RXYLT1: variants seen among roughly 807,000 people sequenced by gnomAD.
RXYLT1 encodes the protein ribitol xylosyltransferase 1.
In RXYLT1, 41 loss-of-function variants were observed where a neutral mutation model predicts 43.5. The observed-to-expected ratio is 0.94, with a 90% CI of 0.73 to 1.22. The LOEUF is 1.22. RXYLT1 is among the 50% of genes most tolerant of loss of function. The pLI, the probability that RXYLT1 is intolerant of heterozygous loss-of-function variation, is 0.00. For missense variants in RXYLT1, 514 were observed against 532.0 expected, an observed-to-expected ratio of 0.97 and a Z score of 0.33; for synonymous variants, 166 against 194.4, an observed-to-expected ratio of 0.85 and a Z score of 1.21.
At chr12:63,780,875 T>C in intron 1 of RXYLT1, 144 bp from the exon 2 acceptor site, 1 of 652,318 alleles carries the variant, frequency 1.5e-6, no homozygotes, top group Non-Finnish European at 2.3e-6. Flanking sequence ...TTTCATTGTG[T>C]ATTACCAGTT....
At chr12:63,789,131 C>G (rs1417146685) in intron 3 of RXYLT1, among the ~76,000 whole-genome samples, 2 of 152,228 alleles carry the variant, frequency 1.3e-5, no homozygotes, top group Middle Eastern at 3.4e-3. Context: ...AAGTGAGAGA[C>G]TTGCGACTCT....
chr12:63,791,434 A>G (rs1315010743), intron 3 of RXYLT1, among the ~76,000 whole-genome samples: 1 of 152,216 alleles, frequency 6.6e-6, no homozygotes, highest in Non-Finnish European at 1.5e-5. Context: ...GCTACTTATG[A>G]AAGAGTTGAA....
At chr12:63,793,551 C>T (rs867837302) in intron 3 of RXYLT1, among the ~76,000 whole-genome samples, 2 of 152,074 alleles carry the variant, frequency 1.3e-5, no homozygotes, top group Non-Finnish European at 2.9e-5. Context: ...AACTTTTTCT[C>T]CCCTAAATTA....
Position 63,802,088 on chromosome 12 carries a change from C to T in RXYLT1, c.429-3C>T. 1 of 1,570,130 alleles carries T rather than the reference C, an allele frequency of 6.4e-7. No homozygotes were observed. Among genetic ancestry groups the T allele is most frequent in the Non-Finnish European group, 8.6e-7 (1 of 1,158,564 alleles). The stretch of plus-strand genomic sequence containing the variant: ...CTTGTTTTTGTTGTGTTGTTTTTAA[C>T]AGCTTCATCACTGGTCCAGCTGTAA... On this transcript the variant is annotated splice_region_variant and splice_polypyrimidine_tract_variant and intron_variant, in intron 3 of 5. Transcript: ENST00000261234.
rs1565907328 is a variant in RXYLT1, at chr12:63,805,383, GT to G, written c.895del (p.Trp299GlyfsTer36). 1 of 1,605,548 alleles carries G rather than the reference GT, an allele frequency of 6.2e-7. No individual in the cohort carries two copies. Among genetic ancestry groups the G allele is most frequent in the East Asian group, 2.2e-5 (1 of 44,666 alleles). On this transcript the variant is annotated frameshift_variant, in exon 5 of 6. Coordinates refer to ENST00000261234, the MANE Select transcript of RXYLT1 (RefSeq NM_014254.3). LOFTEE classifies it high-confidence loss of function. ...AAAAAAGATGGGAACGATAAGCTTT[GT>G]TGGGTTTCAGCAAGAGAACAGTAAG... Reference protein sequence around the residue: ...ILKKDGNDKLCWVSAREHWQP... With the variant: ...ILKKDGNDKLXWVSAREHWQP...
rs748755896 is a variant in RXYLT1, at chr12:63,808,758, G to C, written c.998G>C (p.Gly333Ala). The change falls in exon 6 of 6, where the codon GGA becomes GCA. Residue 333 changes from glycine to alanine, a missense_variant. Coordinates refer to ENST00000261234, the MANE Select transcript of RXYLT1 (RefSeq NM_014254.3). ...AGTGATCTCACATTGTGCCCGGTCGGAGTAAACACAGAATGCTATCGAATC... is the reference window on the plus strand; with the variant it reads ...AGTGATCTCACATTGTGCCCGGTCGCAGTAAACACAGAATGCTATCGAATC... Reference protein sequence around the residue: ...LQSDLTLCPVGVNTECYRIYE... With the variant: ...LQSDLTLCPVAVNTECYRIYE... 1.2e-6 allele frequency: 2 copies of C among 1,613,078 alleles called. No homozygotes were observed. The highest frequency in any genetic ancestry group is 3.4e-5 in the Admixed American group (2 of 59,584).
In RXYLT1 at chr12:63,808,695, A is replaced by G. The variant is rs1391603713; in HGVS notation, c.935A>G (p.Asn312Ser). 1.9e-6 allele frequency: 3 copies of G among 1,601,970 alleles called. No homozygotes were observed. The highest frequency in any genetic ancestry group is 2.7e-5 in the African/African-American group (2 of 74,142). The change falls in exon 6 of 6, where the codon AAT becomes AGT. Residue 312 changes from asparagine (N) to serine (S), a missense_variant. Coordinates refer to ENST00000261234, the MANE Select transcript of RXYLT1 (RefSeq NM_014254.3). Reference protein sequence around the residue: ...AREHWQPQETNESLKNYQDAL... With the variant: ...AREHWQPQETSESLKNYQDAL... ...TCTAGCTGGCAGCCTCAGGAAACAA[A>G]TGAAAGTCTTAAGAATTACCAAGAT...
chr12:63,790,930 C>A (rs1897907614), intron 3 of RXYLT1, among the ~76,000 whole-genome samples: 2 of 152,180 alleles, frequency 1.3e-5, no homozygotes, highest in Admixed American at 1.3e-4. Flanking sequence ...GTATCTAACA[C>A]ACAGTAATCA....
chr12:63,781,292 AT>A lies in RXYLT1; in HGVS notation c.325+124del, dbSNP rs529925217. 0.013 allele frequency: 15,007 copies of A among 1,124,954 alleles called. 143 individuals are homozygous for A. Among genetic ancestry groups the A allele is most frequent in the Non-Finnish European group, 0.016 (13,444 of 846,904 alleles). 69.7% of individuals were successfully genotyped at this position (1,124,954 alleles called of 1,614,324 possible). A position where few individuals can be genotyped will look rare whatever the true frequency, so the allele number is the denominator to read the frequency against. On this transcript the variant is annotated intron_variant, in intron 2 of 5. Transcript: ENST00000261234. ...TTTGTTAATTAAGGCATCATGATAT[AT>A]TTTTTCGCTTTTTGTCAATAATTCC...
chr12:63,809,146 A>G lies in RXYLT1; in HGVS notation c.*54A>G. ...TAAAATCATTTTGACTACTGGGTGTATAAATGTGTTTGTGTGTGTATGTAT... is the reference window on the plus strand; with the variant it reads ...TAAAATCATTTTGACTACTGGGTGTGTAAATGTGTTTGTGTGTGTATGTAT... On this transcript the variant is annotated 3_prime_UTR_variant, in exon 6 of 6. Transcript: ENST00000261234. 1 of 1,255,808 alleles carries G rather than the reference A, an allele frequency of 8.0e-7. No individual in the cohort carries two copies. Among genetic ancestry groups the G allele is most frequent in the Non-Finnish European group, 1.1e-6 (1 of 916,170 alleles). 77.8% of individuals were successfully genotyped at this position (1,255,808 alleles called of 1,614,324 possible).
chr12:63,798,694 T>C (rs78492582), intron 3 of RXYLT1, among the ~76,000 whole-genome samples: 2,200 of 152,324 alleles, frequency 0.014, 62 homozygotes, highest in African/African-American at 0.05. Flanking sequence ...ATCAGGACTT[T>C]GTGAAGCTGG....
chr12:63,780,272 C>G (rs1313513387), intron 1 of RXYLT1, 143 bp downstream of exon 1: 18 of 1,361,808 alleles, frequency 1.3e-5, no homozygotes, highest in Non-Finnish European at 1.7e-5. Flanking sequence ...TACAGCCTCT[C>G]GAGCCAGCCC....
chr12:63,794,507 T>A (rs1392452547), intron 3 of RXYLT1, among the ~76,000 whole-genome samples: 3 of 152,234 alleles, frequency 2.0e-5, no homozygotes, highest in South Asian at 4.1e-4. Context: ...TAATGTTTAA[T>A]TTCTCCTTTC....
intron 3 of RXYLT1, among the ~76,000 whole-genome samples, chr12:63,801,797 G>C (rs1898164471): frequency 6.6e-6 from 1 of 151,928 alleles, no homozygotes; most frequent in Admixed American, 6.6e-5. Flanking sequence ...ACTCCAGCCT[G>C]GGCCACAAGA....
intron 5 of RXYLT1, chr12:63,805,636 T>C: frequency 2.7e-6 from 1 of 374,512 alleles, no homozygotes; most frequent in Non-Finnish European, 4.7e-6. Flanking sequence ...AACTGTCATT[T>C]GCAAATTTCA....
At chr12:63,783,743 C>T (rs1897738869) in intron 2 of RXYLT1, among the ~76,000 whole-genome samples, 1 of 152,146 alleles carries the variant, frequency 6.6e-6, no homozygotes, top group Admixed American at 6.5e-5. Flanking sequence ...TTTCCAGGTA[C>T]CATAATCTTA....
chr12:63,803,350 G>T (rs1036945665), intron 4 of RXYLT1, among the ~76,000 whole-genome samples: 11 of 142,482 alleles, frequency 7.7e-5, no homozygotes, highest in Middle Eastern at 3.8e-3. Flanking sequence ...AGGGATTTTT[G>T]TCTCTTTTGT....
intron 3 of RXYLT1, among the ~76,000 whole-genome samples, chr12:63,787,135 C>T (rs1278168464): frequency 6.6e-6 from 1 of 152,110 alleles, no homozygotes; most frequent in Non-Finnish European, 1.5e-5. Flanking sequence ...AGCCAGTCCT[C>T]TCAAACCCTA....
chr12:63,798,160 A>T (rs1898076105), intron 3 of RXYLT1, among the ~76,000 whole-genome samples: 1 of 152,148 alleles, frequency 6.6e-6, no homozygotes, highest in South Asian at 2.1e-4. Flanking sequence ...CTGCTGTAAC[A>T]TGTACCTACT....
Sources: allele counts gnomAD v4.1 joint callset (sites outside exome capture counted in the v4.1 genomes callset), GRCh38; gene constraint gnomAD v4.1.1; transcripts MANE v1.5; gene names NCBI Gene and HGNC (gene_info 2026-07-23, HGNC 2026-07-21).